The following ANKS3 variants were observed in gnomAD, a reference collection of about 807,000 sequenced individuals.
ANKS3 encodes ankyrin repeat and SAM domain-containing protein 3.
In ANKS3, 62 loss-of-function variants were observed where a neutral mutation model predicts 80.7. That is an observed-to-expected ratio of 0.77 (90% CI 0.63 to 0.95). ANKS3 has a LOEUF of 0.95. Ranked by LOEUF, ANKS3 falls within the 40% of genes least tolerant of loss-of-function variation. The pLI is 0.00. For synonymous variants in ANKS3, 489 were observed against 355.3 expected (o/e 1.38, Z -4.23); for missense variants, 1,150 against 883.6 (o/e 1.30, Z -3.82).
chr16:4,708,093 T>C (rs1243128349), intron 7 of ANKS3, among the ~76,000 whole-genome samples: 1 of 150,046 alleles, frequency 6.7e-6, no homozygotes, highest in Non-Finnish European at 1.5e-5. Context: ...CCAGCCTGGG[T>C]GACAGAGTGA....
chr16:4,709,173 G>A (rs976202388), intron 7 of ANKS3, among the ~76,000 whole-genome samples: 5 of 151,798 alleles, frequency 3.3e-5, no homozygotes, highest in Admixed American at 6.6e-5. Flanking sequence ...TTGGGAGGCC[G>A]AGTCGGGTGG....
chr16:4,730,343 C>G lies in ANKS3; in HGVS notation c.-2-192G>C, dbSNP rs1221404704. ...TTGGGCAGTCCCAACCATGCTAAAT[C>G]TGGTGAGCCTGCTATCACACCAGTA... On this transcript the variant is annotated intron_variant, in intron 2 of 17. Coordinates refer to ENST00000304283, the MANE Select transcript of ANKS3 (RefSeq NM_133450.4). The G allele has an allele frequency of 1.1e-5, 5 of 439,032 alleles. No individual in the cohort carries two copies. The East Asian group carries it at 1.8e-4, about 16-fold the overall frequency. 27.2% of individuals were successfully genotyped at this position (439,032 alleles called of 1,614,324 possible).
At chr16:4,732,039 C>G (rs2081646033) in intron 1 of ANKS3, among the ~76,000 whole-genome samples, 1 of 152,160 alleles carries the variant, frequency 6.6e-6, no homozygotes, top group African/African-American at 2.4e-5. Context: ...AAGAATGCTT[C>G]CAAGCCCCAG....
At chr16:4,712,374 C>A (rs1359054883) in intron 7 of ANKS3, among the ~76,000 whole-genome samples, 1 of 151,706 alleles carries the variant, frequency 6.6e-6, no homozygotes, top group Non-Finnish European at 1.5e-5. Flanking sequence ...AGCAAGACTC[C>A]ATTTCAAAAA....
At chr16:4,719,423 C>G (rs775339454) in intron 6 of ANKS3, among the ~76,000 whole-genome samples, 3 of 152,142 alleles carry the variant, frequency 2.0e-5, no homozygotes, top group African/African-American at 7.2e-5. Flanking sequence ...TCTAAACTTA[C>G]AAGTAGAGGC....
In ANKS3 at chr16:4,697,108, A is replaced by G; in HGVS notation, c.1895-4T>C. ...GTCACTAAGCACAGTGCTTGCCCTG[A>G]GGAATGATGACCTTGAGCCTCTCCC... is the stretch of plus-strand genomic sequence containing the variant. On this transcript the variant is annotated splice_polypyrimidine_tract_variant and splice_region_variant and intron_variant, in intron 16 of 17. Transcript: ENST00000304283. 6.2e-7 allele frequency: 1 copy of G among 1,613,108 alleles called. No homozygotes were observed. Among genetic ancestry groups the G allele is most frequent in the Non-Finnish European group, 8.5e-7 (1 of 1,179,652 alleles).
intron 3 of ANKS3, 138 bp from the exon 4 acceptor site, chr16:4,727,315 T>C (rs2142156692): frequency 2.3e-6 from 2 of 855,046 alleles, no homozygotes; most frequent in South Asian, 1.6e-5. Context: ...GTTGTGGGGA[T>C]TGGAGGCAGG....
At chr16:4,720,851 C>T (rs925620750) in intron 6 of ANKS3, among the ~76,000 whole-genome samples, 4 of 146,358 alleles carry the variant, frequency 2.7e-5, no homozygotes, top group Non-Finnish European at 4.5e-5. Context: ...GCAGGAGAAT[C>T]GCTTGAACCT....
chr16:4,697,051 C>A lies in ANKS3; in HGVS notation c.1948G>T (p.Gly650Trp). 6.2e-7 allele frequency: 1 copy of A among 1,613,896 alleles called. No individual in the cohort carries two copies. Among genetic ancestry groups the A allele is most frequent in the Non-Finnish European group, 8.5e-7 (1 of 1,179,984 alleles). ...QSLEKLQVLN[G>W]KKWRET ...GGCTAGGTCTCCCGCCACTTCTTCC[C>A]GTTCAGCACCTGCAGCTTCTCCAGG... is the stretch of plus-strand genomic sequence containing the variant. The change falls in exon 17 of 18, where the codon GGG (glycine) becomes TGG (tryptophan). Residue 650 changes from glycine (G) to tryptophan (W), a missense_variant. Gly to Trp is a radical substitution (Grantham distance 184). Coordinates refer to ENST00000304283, the MANE Select transcript of ANKS3 (RefSeq NM_133450.4).
intron 2 of ANKS3, among the ~76,000 whole-genome samples, chr16:4,730,829 G>A (rs942942332): frequency 4.0e-5 from 6 of 151,006 alleles, no homozygotes; most frequent in Non-Finnish European, 1.5e-5. Context: ...TCCAGCCTGG[G>A]AAACAGAGCA....
chr16:4,697,456 G>A (rs749396468), intron 15 of ANKS3, 40 bp from the exon 16 acceptor site: 2 of 1,491,406 alleles, frequency 1.3e-6, no homozygotes, highest in African/African-American at 1.4e-5. Context: ...CTGGGGGTCT[G>A]CGTCCCCACA....
At position 4,731,404 on chromosome 16, in the gene ANKS3, T is replaced by G. The variant is rs1035817556; in HGVS notation, c.-3+108A>C. 3 of 153,470 alleles carry G rather than the reference T, an allele frequency of 2.0e-5. No individual in the cohort carries two copies. The Admixed American group carries it at 2.0e-4, about 10-fold the overall frequency. 9.5% of individuals were successfully genotyped at this position (153,470 alleles called of 1,614,324 possible). ...AAGGGCTTCTTGAGCCTCAGCCACC[T>G]GAATAGCTGAGATTACAGGTGTGCG... On this transcript the variant is annotated intron_variant, in intron 2 of 17. Coordinates refer to ENST00000304283, the MANE Select transcript of ANKS3 (RefSeq NM_133450.4).
Position 4,705,155 on chromosome 16 carries a change from G to T in ANKS3, c.808C>A (p.Arg270=), listed in dbSNP as rs773136335. 1 of 1,613,678 alleles carries T rather than the reference G, an allele frequency of 6.2e-7. No homozygotes were observed. The highest frequency in any genetic ancestry group is 8.5e-7 in the Non-Finnish European group (1 of 1,180,034). The part of the protein sequence containing the change: ...KKGVSIHEGP[R]ALARITGIGL... The stretch of plus-strand genomic sequence containing the variant: ...ATGCCTGTGATCCTGGCCAGGGCTC[G>T]CGGTCCCTCGTGGATGCTGACACCC... The change falls in exon 8 of 18, where the codon CGA becomes AGA. Residue 270 remains arginine, a synonymous_variant. Transcript: ENST00000304283.
At chr16:4,702,493 C>T (rs936040633) in intron 8 of ANKS3, among the ~76,000 whole-genome samples, 4 of 152,182 alleles carry the variant, frequency 2.6e-5, no homozygotes, top group Non-Finnish European at 5.9e-5. Context: ...CATTTCTTTT[C>T]CAAGGGGAAA....
chr16:4,725,943 C>A (rs922265170), intron 5 of ANKS3, among the ~76,000 whole-genome samples: 1 of 151,124 alleles, frequency 6.6e-6, no homozygotes, highest in Middle Eastern at 3.3e-3. Flanking sequence ...CAGGTGTGAG[C>A]CACTGAGCCC....
intron 6 of ANKS3, chr16:4,714,388 A>C: frequency 1.4e-6 from 1 of 699,644 alleles, no homozygotes; most frequent in Non-Finnish European, 2.3e-6. Flanking sequence ...CTTAGGGACA[A>C]GGATGAGGAG....
intron 6 of ANKS3, among the ~76,000 whole-genome samples, chr16:4,720,732 G>C (rs1359988624): frequency 6.7e-6 from 1 of 149,350 alleles, no homozygotes; most frequent in Non-Finnish European, 1.5e-5. Context: ...TTGAGGTCAG[G>C]AGTTCAAGAC....
chr16:4,734,140 C>T lies in ANKS3; in HGVS notation c.-273G>A. The T allele has an allele frequency of 1.6e-6, 1 of 617,094 alleles. No individual in the cohort carries two copies. Among genetic ancestry groups the T allele is most frequent in the Non-Finnish European group, 2.0e-6 (1 of 493,282 alleles). The allele number at this position is 617,094 out of a possible 1,614,324, so 38.2% of individuals were successfully genotyped here. A position where few individuals can be genotyped will look rare whatever the true frequency, so the allele number is the denominator to read the frequency against. Reference sequence around the variant, plus strand: ...GGTGCCGGCAAGTGCTGGGGCCGGGCCGCCGCGGAACCCACCTGTGCTGGG... The same window carrying T: ...GGTGCCGGCAAGTGCTGGGGCCGGGTCGCCGCGGAACCCACCTGTGCTGGG... On this transcript the variant is annotated 5_prime_UTR_variant, in exon 1 of 18. Coordinates refer to ENST00000304283, the MANE Select transcript of ANKS3 (RefSeq NM_133450.4).
At chr16:4,716,477 G>C (rs934833547) in intron 6 of ANKS3, among the ~76,000 whole-genome samples, 4 of 152,054 alleles carry the variant, frequency 2.6e-5, no homozygotes, top group African/African-American at 9.7e-5. Flanking sequence ...TATGTAGTTG[G>C]TGGGGGAGGC....
Sources: gnomAD v4.1 joint callset for allele counts (sites outside exome capture counted in the v4.1 genomes callset) on GRCh38, gnomAD v4.1.1 for gene constraint, MANE v1.5 for transcripts, NCBI Gene and HGNC (gene_info 2026-07-23, HGNC 2026-07-21) for gene names.